SMU1: variants seen among roughly 807,000 people sequenced by gnomAD.
SMU1 encodes WD40 repeat-containing protein SMU1.
A neutral mutation model predicts 62.0 loss-of-function variants in SMU1; 2 were observed. The observed-to-expected ratio is 0.03, with a 90% CI of 0.01 to 0.10. The LOEUF is 0.10. SMU1 is among the 10% of genes least tolerant of loss of function. SMU1 has a pLI of 1.00. For missense variants in SMU1, 227 were observed against 622.1 expected (o/e 0.36, Z 6.76); for synonymous variants, 188 against 212.4 (o/e 0.89, Z 1.00).
intron 11 of SMU1, 122 bp from the exon 12 acceptor site, chr9:33,047,513 T>A: frequency 1.5e-6 from 1 of 658,558 alleles, no homozygotes; most frequent in Non-Finnish European, 2.6e-6. Flanking sequence ...CCAAATGGCA[T>A]AGGAGAAAGA....
rs1564017751 is a variant in SMU1, at chr9:33,044,217, C to T, written c.*3076G>A. On this transcript the variant is annotated 3_prime_UTR_variant, in exon 12 of 12. Transcript: ENST00000397149. ...CTTCCCTAGGAACCGACTGCACACG[C>T]CCAATTCAGAAGGAAGTGAGCACTG... 6.6e-6 allele frequency: 1 copy of T among 152,398 alleles called. No individual in the cohort carries two copies. Among genetic ancestry groups the T allele is most frequent in the Non-Finnish European group, 1.5e-5 (1 of 68,052 alleles). The allele number at this position is 152,398 out of a possible 1,614,324, so 9.4% of individuals were successfully genotyped here. A position where few individuals can be genotyped will look rare whatever the true frequency, so the allele number is the denominator to read the frequency against.
At chr9:33,065,597 G>A (rs1035490581) in intron 4 of SMU1, among the ~76,000 whole-genome samples, 1 of 152,124 alleles carries the variant, frequency 6.6e-6, no homozygotes, top group Non-Finnish European at 1.5e-5. Context: ...TGAAGAAGGG[G>A]AAGCCACAAG....
chr9:33,054,368 G>A (rs1425302627), intron 9 of SMU1, among the ~76,000 whole-genome samples: 1 of 152,028 alleles, frequency 6.6e-6, no homozygotes, highest in Non-Finnish European at 1.5e-5. Context: ...TGATGTGGTA[G>A]GTCTAGGGTG....
chr9:33,065,542 A>G (rs1839410262), intron 4 of SMU1, among the ~76,000 whole-genome samples: 1 of 152,226 alleles, frequency 6.6e-6, no homozygotes, highest in Non-Finnish European at 1.5e-5. Flanking sequence ...TGAATGGACT[A>G]GTGGAAACCA....
At chr9:33,069,852 G>C (rs1021223103) in intron 3 of SMU1, among the ~76,000 whole-genome samples, 2 of 152,078 alleles carry the variant, frequency 1.3e-5, no homozygotes, top group Admixed American at 1.3e-4. Context: ...AGGGCCAAGT[G>C]TGGTGGCTCA....
rs191276146 is a variant in SMU1 at position 33,076,373 on chromosome 9, C to T, written c.26+210G>A. Among the ~76,000 whole-genome samples the T allele has an allele frequency of 1.9e-3, 283 of 152,348 alleles. 2 individuals carry two copies. The highest frequency in any genetic ancestry group is 6.2e-3 in the African/African-American group (259 of 41,580). On this transcript the variant is annotated intron_variant, in intron 1 of 11. Transcript: ENST00000397149. ...TGTGTTTTCCCCACCCGTGCCACCT[C>T]CCTCGAGGTTTTGGGCTTCACGTCT...
At chr9:33,051,724 A>G (rs1307945395) in intron 10 of SMU1, among the ~76,000 whole-genome samples, 2 of 152,206 alleles carry the variant, frequency 1.3e-5, no homozygotes, top group East Asian at 1.9e-4. Context: ...ACGTGACTAT[A>G]AAGATGTAGC....
At position 33,044,620 on chromosome 9, in the gene SMU1, C is replaced by T. The variant is rs894236575; in HGVS notation, c.*2673G>A. The T allele has an allele frequency of 7.9e-5, 12 of 152,266 alleles. No individual in the cohort carries two copies. Among genetic ancestry groups the T allele is most frequent in the African/African-American group, 2.9e-4 (12 of 41,544 alleles). The allele number at this position is 152,266 out of a possible 1,614,324, so 9.4% of individuals were successfully genotyped here. A position where few individuals can be genotyped will look rare whatever the true frequency, so the allele number is the denominator to read the frequency against. ...GCCGAGGAGTGTAAGCAGCGTGTGC[C>T]CATTTAAAGACAAAATCAGTGTGTT... is the stretch of plus-strand genomic sequence containing the variant. On this transcript the variant is annotated 3_prime_UTR_variant, in exon 12 of 12. Coordinates refer to ENST00000397149, the MANE Select transcript of SMU1 (RefSeq NM_018225.3).
intron 3 of SMU1, 60 bp downstream of exon 3, chr9:33,071,678 AAG>A (rs113304677): frequency 3.4e-6 from 5 of 1,490,720 alleles, no homozygotes; most frequent in African/African-American, 2.9e-5. Flanking sequence ...AAAAAAAAAA[AAG>A]ATCATGTTAT....
rs1258418721 is a variant in SMU1 at position 33,076,452 on chromosome 9, C to T, written c.26+131G>A. ...CTCCGAGGTAGCGAGATCCAAGATG[C>T]TTCTTTGGGGGCAAGGAAATGGCCC... is the stretch of plus-strand genomic sequence containing the variant. On this transcript the variant is annotated intron_variant, in intron 1 of 11. Coordinates refer to ENST00000397149, the MANE Select transcript of SMU1 (RefSeq NM_018225.3). The T allele has an allele frequency of 6.2e-6, 7 of 1,135,516 alleles. No homozygotes were observed. The African/African-American group carries it at 9.2e-5, about 15-fold the overall frequency. The allele number at this position is 1,135,516 out of a possible 1,614,324, so 70.3% of individuals were successfully genotyped here.
intron 2 of SMU1, 99 bp downstream of exon 2, chr9:33,073,497 C>T: frequency 1.3e-6 from 1 of 755,444 alleles, no homozygotes; most frequent in South Asian, 1.7e-5. Context: ...GCTGATGCAG[C>T]CCTACCGTGC....
intron 1 of SMU1, among the ~76,000 whole-genome samples, chr9:33,076,092 C>A (rs1839542973): frequency 6.6e-6 from 1 of 152,066 alleles, no homozygotes; most frequent in Non-Finnish European, 1.5e-5. Context: ...TCCTAGGCAC[C>A]GACAAAGGCT....
At chr9:33,067,042 A>G (rs1231265218) in intron 4 of SMU1, among the ~76,000 whole-genome samples, 2 of 152,198 alleles carry the variant, frequency 1.3e-5, no homozygotes, top group South Asian at 2.1e-4. Flanking sequence ...GCAGAAGTGC[A>G]TAGAAAACTA....
intron 10 of SMU1, among the ~76,000 whole-genome samples, chr9:33,051,787 G>C (rs886261146): frequency 1.3e-5 from 2 of 152,118 alleles, no homozygotes; most frequent in African/African-American, 4.8e-5. Flanking sequence ...AGGCGCAGTG[G>C]CTCACGCCTG....
intron 6 of SMU1, among the ~76,000 whole-genome samples, chr9:33,057,938 C>T (rs1247574751): frequency 6.6e-6 from 1 of 152,184 alleles, no homozygotes; most frequent in Non-Finnish European, 1.5e-5. Context: ...AAAATACCCA[C>T]ATACTACTCT....
In SMU1 at chr9:33,075,771, A is replaced by G. The variant is rs148263459; in HGVS notation, c.26+812T>C. On this transcript the variant is annotated intron_variant, in intron 1 of 11. Coordinates refer to ENST00000397149, the MANE Select transcript of SMU1 (RefSeq NM_018225.3). ...CCAAAAAAGGTCCTCTCCCTCCCTTACACTCAGACACAATTTTTATGTCTG... is the reference window on the plus strand; with the variant it reads ...CCAAAAAAGGTCCTCTCCCTCCCTTGCACTCAGACACAATTTTTATGTCTG... 2.6e-5 allele frequency among the ~76,000 whole-genome samples: 4 copies of G among 152,306 alleles called. No homozygotes were observed. In the East Asian group the frequency reaches 5.8e-4, roughly 22 times the overall value.
intron 4 of SMU1, among the ~76,000 whole-genome samples, chr9:33,064,358 T>C (rs1234511718): frequency 6.6e-6 from 1 of 152,242 alleles, no homozygotes; most frequent in Non-Finnish European, 1.5e-5. Flanking sequence ...CTATCAGGTT[T>C]GATAGATTAT....
intron 6 of SMU1, among the ~76,000 whole-genome samples, chr9:33,058,211 A>AAAAATAAAAGC (rs1279661775): frequency 6.6e-6 from 1 of 152,184 alleles, no homozygotes; most frequent in African/African-American, 2.4e-5. Flanking sequence ...TCCTGGTTTA[A>AAAAATAAAAGC]AAAATAAAAG....
Position 33,070,558 on chromosome 9 carries a change from A to G in SMU1, c.390+1182T>C, listed in dbSNP as rs912683944. 6.6e-4 allele frequency among the ~76,000 whole-genome samples: 100 copies of G among 152,376 alleles called. 1 individual carries two copies. Among genetic ancestry groups the G allele is most frequent in the East Asian group, 3.9e-4 (2 of 5,190 alleles). On this transcript the variant is annotated intron_variant, in intron 3 of 11. Coordinates refer to ENST00000397149, the MANE Select transcript of SMU1 (RefSeq NM_018225.3). ...TACACACCCAAAAGGAAATCAGTAT[A>G]TCAAAGAGATATCTGCACTCCCATG... is the stretch of plus-strand genomic sequence containing the variant.
Sources: gnomAD v4.1 joint callset for allele counts (sites outside exome capture counted in the v4.1 genomes callset) on GRCh38, gnomAD v4.1.1 for gene constraint, MANE v1.5 for transcripts, NCBI Gene and HGNC (gene_info 2026-07-23, HGNC 2026-07-21) for gene names.